Variants in FNIP1 observed in about 807,000 individuals in gnomAD.
FNIP1 encodes the protein folliculin-interacting protein 1.
In FNIP1, 40 loss-of-function variants were observed where a neutral mutation model predicts 124.5. The ratio of observed to expected loss-of-function variants is 0.32; its 90% confidence interval spans 0.25 to 0.42. The LOEUF (loss-of-function observed/expected upper bound fraction) is 0.42, where lower values mean the gene tolerates loss of function less well. FNIP1 is among the 10% of genes least tolerant of loss of function. FNIP1 has a pLI of 1.00. For synonymous variants in FNIP1, 472 were observed against 470.6 expected, an observed-to-expected ratio of 1.00 and a Z score of -0.04; for missense variants, 1,176 against 1,403.7, an observed-to-expected ratio of 0.84 and a Z score of 2.59.
intron 11 of FNIP1, among the ~76,000 whole-genome samples, chr5:131,681,342 T>TGAAG (rs1328191936): frequency 6.6e-6 from 1 of 152,060 alleles, no homozygotes; most frequent in East Asian, 1.9e-4. Context: ...TGCCCTGAAG[T>TGAAG]GAAGGTCTCC....
At chr5:131,719,199 A>C (rs1325296730) in intron 4 of FNIP1, 118 bp downstream of exon 4, 3 of 1,155,824 alleles carry the variant, frequency 2.6e-6, no homozygotes, top group Non-Finnish European at 3.8e-6. Context: ...AAACCATAGA[A>C]CATGTTAAAT....
Position 131,744,550 on chromosome 5 carries a change from A to C in FNIP1, c.219+14T>G. On this transcript the variant is annotated intron_variant, in intron 2 of 17. Coordinates refer to ENST00000510461, the MANE Select transcript of FNIP1 (RefSeq NM_133372.3). ...TCAACATTAAAAGTCAACCAAATCA[A>C]TAATGATGCTCACCGATACTGATAT... 1 of 1,575,234 alleles carries C rather than the reference A, an allele frequency of 6.3e-7. No homozygotes were observed. The highest frequency in any genetic ancestry group is 1.2e-5 in the South Asian group (1 of 84,560).
At chr5:131,694,097 T>A (rs1049200969) in intron 11 of FNIP1, among the ~76,000 whole-genome samples, 1 of 152,150 alleles carries the variant, frequency 6.6e-6, no homozygotes, top group East Asian at 1.9e-4. Context: ...TGTAGAGCAA[T>A]AGGAACTCTC....
rs535244051 is a variant in FNIP1, at chr5:131,680,671, A to G, written c.1203-1496T>C. Reference sequence around the variant, plus strand: ...TGTGGTGGCTCACACCTGTAATCCCAGCTCTTTGGGAGACTGGGGCAGGAG... The same window carrying G: ...TGTGGTGGCTCACACCTGTAATCCCGGCTCTTTGGGAGACTGGGGCAGGAG... On this transcript the variant is annotated intron_variant, in intron 11 of 17. Transcript: ENST00000510461. 6.6e-5 allele frequency among the ~76,000 whole-genome samples: 10 copies of G among 152,338 alleles called. No individual in the cohort carries two copies. The East Asian group carries it at 1.9e-3, about 29-fold the overall frequency.
rs1385833250 is a variant in FNIP1 at position 131,672,042 on chromosome 5, GTTGT to G, written c.2398_2401del (p.Thr800ProfsTer32). ...ATCAGACTCTCCAGATTGGTCCTTG[GTTGT>G]TTGTTTAGTTTCTTGATGCTGATCA... On this transcript the variant is annotated frameshift_variant, in exon 14 of 18. Coordinates refer to ENST00000510461, the MANE Select transcript of FNIP1 (RefSeq NM_133372.3). LOFTEE classifies it high-confidence loss of function. The G allele has an allele frequency of 6.2e-7, 1 of 1,614,164 alleles. No homozygotes were observed.
rs566885451 is a variant in FNIP1, at chr5:131,736,084, T to C, written c.220-5046A>G. On this transcript the variant is annotated intron_variant, in intron 2 of 17. Transcript: ENST00000510461. ...GCCACTGCATTCAACCTCGTTATAATTGTTATTAGAAAACAGTTAACATGA... is the reference window on the plus strand; with the variant it reads ...GCCACTGCATTCAACCTCGTTATAACTGTTATTAGAAAACAGTTAACATGA... 2.6e-5 allele frequency among the ~76,000 whole-genome samples: 4 copies of C among 152,246 alleles called. No individual in the cohort carries two copies. In the South Asian group the frequency reaches 6.2e-4, roughly 24 times the overall value.
intron 1 of FNIP1, among the ~76,000 whole-genome samples, chr5:131,761,999 A>C (rs1218983593): frequency 1.3e-5 from 2 of 152,180 alleles, no homozygotes; most frequent in Non-Finnish European, 2.9e-5. Context: ...AAGAACATAC[A>C]TTTGAGAAAG....
rs111461686 is a variant in FNIP1 at position 131,737,294 on chromosome 5, G to A, written c.220-6256C>T. Among the ~76,000 whole-genome samples, 550 of 152,294 alleles carry A rather than the reference G, an allele frequency of 3.6e-3. 3 individuals are homozygous for A. The highest frequency in any genetic ancestry group is 6.0e-3 in the Non-Finnish European group (411 of 68,020). ...CGACTTCAAGATGGGAGGGAGTAGA[G>A]AAACAACAGCTGAGGAGCTGATGGG... is the stretch of plus-strand genomic sequence containing the variant. On this transcript the variant is annotated intron_variant, in intron 2 of 17. Transcript: ENST00000510461.
chr5:131,724,495 G>A (rs1000453113), intron 3 of FNIP1, among the ~76,000 whole-genome samples: 2 of 152,044 alleles, frequency 1.3e-5, no homozygotes, highest in African/African-American at 2.4e-5. Flanking sequence ...TTTGTTGGCC[G>A]TGTAAATGTC....
chr5:131,642,723 T>C lies in FNIP1; in HGVS notation c.*1962A>G, dbSNP rs939562699. 4 of 151,940 alleles carry C rather than the reference T, an allele frequency of 2.6e-5. No homozygotes were observed. The highest frequency in any genetic ancestry group is 9.7e-5 in the African/African-American group (4 of 41,346). The allele number at this position is 151,940 out of a possible 1,614,324, so 9.4% of individuals were successfully genotyped here. A position where few individuals can be genotyped will look rare whatever the true frequency, so the allele number is the denominator to read the frequency against. On this transcript the variant is annotated 3_prime_UTR_variant, in exon 18 of 18. Coordinates refer to ENST00000510461, the MANE Select transcript of FNIP1 (RefSeq NM_133372.3). ...CTCATCTCTACTAAAAATAAAAAAT[T>C]AGCTGGGTGTGGTGGCGCACACTTG...
At chr5:131,776,969 T>C (rs149308372) in intron 1 of FNIP1, among the ~76,000 whole-genome samples, 112 of 152,238 alleles carry the variant, frequency 7.4e-4, no homozygotes, top group South Asian at 6.0e-3. Flanking sequence ...GCATGGCTCA[T>C]GTCTATAATC....
At chr5:131,753,962 T>C (rs1409474553) in intron 1 of FNIP1, among the ~76,000 whole-genome samples, 1 of 152,110 alleles carries the variant, frequency 6.6e-6, no homozygotes, top group African/African-American at 2.4e-5. Context: ...TACAGGCACA[T>C]GCCACCATGT....
At chr5:131,694,427 A>ACAC (rs774971291) in intron 11 of FNIP1, among the ~76,000 whole-genome samples, 1 of 152,164 alleles carries the variant, frequency 6.6e-6, no homozygotes, top group Non-Finnish European at 1.5e-5. Flanking sequence ...AACAACAGCA[A>ACAC]CACCACCACC....
intron 11 of FNIP1, among the ~76,000 whole-genome samples, chr5:131,693,348 A>ATATATATATATG (rs1561658487): frequency 1.2e-4 from 16 of 133,638 alleles, no homozygotes; most frequent in African/African-American, 4.5e-4. Context: ...ATATATATAT[A>ATATATATATATG]TATATATATA....
At position 131,641,865 on chromosome 5, in the gene FNIP1, A is replaced by C. The variant is rs148192803; in HGVS notation, c.*2820T>G. 6.5e-6 allele frequency: 1 copy of C among 152,764 alleles called. No individual in the cohort carries two copies. The highest frequency in any genetic ancestry group is 2.4e-5 in the African/African-American group (1 of 41,446). The allele number at this position is 152,764 out of a possible 1,614,324, so 9.5% of individuals were successfully genotyped here. ...AACTTAGAAAAAGCAGAACAATCTCATAAGACATCTACCAGAAGTAGGCAT... is the reference window on the plus strand; with the variant it reads ...AACTTAGAAAAAGCAGAACAATCTCCTAAGACATCTACCAGAAGTAGGCAT... On this transcript the variant is annotated 3_prime_UTR_variant, in exon 18 of 18. Coordinates refer to ENST00000510461, the MANE Select transcript of FNIP1 (RefSeq NM_133372.3).
At chr5:131,759,815 T>C (rs1771166193) in intron 1 of FNIP1, among the ~76,000 whole-genome samples, 1 of 152,178 alleles carries the variant, frequency 6.6e-6, no homozygotes, top group African/African-American at 2.4e-5. Context: ...CTATTTATGA[T>C]AACAAAGACA....
chr5:131,670,494 C>T lies in FNIP1; in HGVS notation c.3077G>A (p.Cys1026Tyr). Residue 1026 changes from cysteine (C) to tyrosine (Y), a missense_variant, in exon 15 of 18, where the codon TGT (cysteine) becomes TAT (tyrosine). This residue lies in a region of FNIP1 where 1,109 missense variants were observed against 1,288.5 expected (regional missense o/e 0.86). Coordinates refer to ENST00000510461, the MANE Select transcript of FNIP1 (RefSeq NM_133372.3). ...GIGSDERFRQCLMSDLSHAVQ... is the reference protein window; with the variant it reads ...GIGSDERFRQYLMSDLSHAVQ... ...AGCATGAGATAAATCTGACATCAGACACTGACGGAACCTCTCATCACTCCC... is the reference window on the plus strand; with the variant it reads ...AGCATGAGATAAATCTGACATCAGATACTGACGGAACCTCTCATCACTCCC... The T allele has an allele frequency of 6.2e-7, 1 of 1,612,054 alleles. No individual in the cohort carries two copies. Among genetic ancestry groups the T allele is most frequent in the South Asian group, 1.1e-5 (1 of 90,702 alleles).
chr5:131,706,357 A>T, intron 9 of FNIP1, 54 bp downstream of exon 9: 1 of 1,462,974 alleles, frequency 6.8e-7, no homozygotes, highest in Non-Finnish European at 9.1e-7. Context: ...ACCCATATAA[A>T]ATTGTGTTTA....
At chr5:131,698,842 A>G in intron 11 of FNIP1, 75 bp downstream of exon 11, 1 of 1,288,988 alleles carries the variant, frequency 7.8e-7, no homozygotes. Flanking sequence ...TTTTATTAGA[A>G]CAAGTTAAAG....
Sources: allele counts gnomAD v4.1 joint callset (sites outside exome capture counted in the v4.1 genomes callset), GRCh38; gene constraint gnomAD v4.1.1; regional missense constraint gnomAD v4.1.1; transcripts MANE v1.5; gene names NCBI Gene and HGNC (gene_info 2026-07-23, HGNC 2026-07-21).